The following KCNJ4 variants were observed in gnomAD, a reference collection of about 807,000 sequenced individuals.
KCNJ4 encodes the protein inward rectifier potassium channel 4.
A neutral mutation model predicts 25.6 loss-of-function variants in KCNJ4; 3 were observed. That is an observed-to-expected ratio of 0.12 (90% CI 0.05 to 0.30). KCNJ4 has a LOEUF of 0.30. Ranked by LOEUF, KCNJ4 falls within the 10% of genes least tolerant of loss-of-function variation. The pLI is 1.00. For missense variants in KCNJ4, 286 were observed against 666.8 expected, an observed-to-expected ratio of 0.43 and a Z score of 6.29; for synonymous variants, 257 against 283.9, an observed-to-expected ratio of 0.91 and a Z score of 0.95.
chr22:38,440,097 CAAAA>C (rs1053336679), intron 1 of KCNJ4, among the ~76,000 whole-genome samples: 69 of 76,078 alleles, frequency 9.1e-4, no homozygotes, highest in African/African-American at 3.1e-3. Flanking sequence ...GACTTCGTCT[CAAAA>C]AAAAAAAAAA....
intron 1 of KCNJ4, among the ~76,000 whole-genome samples, chr22:38,431,991 C>G (rs2145934134): frequency 6.6e-6 from 1 of 151,716 alleles, no homozygotes; most frequent in South Asian, 2.1e-4. Context: ...CTAGGTGACT[C>G]ACGCCTGTAA....
In KCNJ4 at chr22:38,443,813, C is replaced by T. The variant is rs1343070777; in HGVS notation, c.-40+11167G>A. On this transcript the variant is annotated intron_variant, in intron 1 of 1. Transcript: ENST00000303592. This position sits in a 1 kb window ranked among gnomAD's most constrained non-coding sequence, Gnocchi z 4.1. The stretch of plus-strand genomic sequence containing the variant: ...CCTCCCACAGCCTCCACCCACCTCC[C>T]GCAGTCCATCTCCACATCACTCCCT... Among the ~76,000 whole-genome samples, 2 of 152,188 alleles carry T rather than the reference C, an allele frequency of 1.3e-5. No individual in the cohort carries two copies. Among genetic ancestry groups the T allele is most frequent in the Non-Finnish European group, 2.9e-5 (2 of 68,034 alleles).
chr22:38,450,629 C>A (rs1256256300), intron 1 of KCNJ4, among the ~76,000 whole-genome samples: 1 of 152,228 alleles, frequency 6.6e-6, no homozygotes, highest in African/African-American at 2.4e-5. Flanking sequence ...AAGGCCCCTC[C>A]TCACTCACTG....
intron 1 of KCNJ4, among the ~76,000 whole-genome samples, chr22:38,452,122 G>A (rs196093): frequency 0.16 from 23,755 of 152,216 alleles, 3,175 homozygotes; most frequent in African/African-American, 0.37. Context: ...AGGTCACAGA[G>A]GGTGATTTGA....
intron 1 of KCNJ4, among the ~76,000 whole-genome samples, chr22:38,431,172 G>A (rs1280828303): frequency 6.6e-6 from 1 of 152,230 alleles, no homozygotes; most frequent in Non-Finnish European, 1.5e-5. Flanking sequence ...GGGTTCCAGG[G>A]GATCCCTGGT....
chr22:38,426,770 C>A lies in KCNJ4; in HGVS notation c.*25G>T. 6.3e-7 allele frequency: 1 copy of A among 1,583,028 alleles called. No individual in the cohort carries two copies. The highest frequency in any genetic ancestry group is 8.6e-7 in the Non-Finnish European group (1 of 1,161,918). ...CACCCCCGGCAGAGGCTCTTGTGGGCAGTGGTGAGGGCCGGGCCTGGAGGT... is the reference window on the plus strand; with the variant it reads ...CACCCCCGGCAGAGGCTCTTGTGGGAAGTGGTGAGGGCCGGGCCTGGAGGT... On this transcript the variant is annotated 3_prime_UTR_variant, in exon 2 of 2. Transcript: ENST00000303592.
intron 1 of KCNJ4, among the ~76,000 whole-genome samples, chr22:38,429,554 G>A (rs1212313986): frequency 6.6e-6 from 1 of 152,170 alleles, no homozygotes; most frequent in African/African-American, 2.4e-5. Context: ...GCAGGTGCTG[G>A]GGTAAAGCCA....
chr22:38,432,290 A>AAAT (rs1206920762), intron 1 of KCNJ4, among the ~76,000 whole-genome samples: 47 of 146,676 alleles, frequency 3.2e-4, no homozygotes, highest in African/African-American at 1.2e-3. Context: ...TAAATAAAAT[A>AAAT]AAATAAAATA....
intron 1 of KCNJ4, among the ~76,000 whole-genome samples, chr22:38,441,111 G>A (rs953144071): frequency 5.3e-5 from 8 of 152,030 alleles, no homozygotes; most frequent in South Asian, 2.1e-4. Context: ...GAGGAGGACC[G>A]GCCAGAGAGC....
chr22:38,444,936 C>G (rs1184506736), intron 1 of KCNJ4, among the ~76,000 whole-genome samples: 1 of 152,216 alleles, frequency 6.6e-6, no homozygotes, highest in East Asian at 1.9e-4. Flanking sequence ...AGCGCAGTGC[C>G]TTGCCTTGGA....
intron 1 of KCNJ4, among the ~76,000 whole-genome samples, chr22:38,431,852 T>C (rs980549591): frequency 1.3e-5 from 2 of 152,136 alleles, no homozygotes; most frequent in Non-Finnish European, 2.9e-5. Context: ...CCAGATTTTC[T>C]CTTCCTTGTC....
At position 38,449,204 on chromosome 22, in the gene KCNJ4, A is replaced by C. The variant is rs1228466041; in HGVS notation, c.-40+5776T>G. On this transcript the variant is annotated intron_variant, in intron 1 of 1. Transcript: ENST00000303592. The surrounding 1 kb of genome is among the most constrained non-coding windows in gnomAD (Gnocchi z 5.2). ...GGAAAGGGGAGGCCTAGGCTGGCAG[A>C]CATGTACCCACCTCCCTTCAGGTGG... is the stretch of plus-strand genomic sequence containing the variant. 6.6e-6 allele frequency among the ~76,000 whole-genome samples: 1 copy of C among 152,158 alleles called. No individual in the cohort carries two copies. The highest frequency in any genetic ancestry group is 1.5e-5 in the Non-Finnish European group (1 of 68,008).
At chr22:38,429,693 C>T (rs1330980570) in intron 1 of KCNJ4, among the ~76,000 whole-genome samples, 2 of 152,166 alleles carry the variant, frequency 1.3e-5, no homozygotes, top group Non-Finnish European at 2.9e-5. Context: ...GCGCCTCGGG[C>T]CCGTAGAGGA....
chr22:38,440,712 C>A (rs1569122269), intron 1 of KCNJ4, among the ~76,000 whole-genome samples: 1 of 152,150 alleles, frequency 6.6e-6, no homozygotes, highest in Non-Finnish European at 1.5e-5. Flanking sequence ...TAGCTTGGAG[C>A]TACCAGGATG....
rs200157044 is a variant in KCNJ4 at position 38,427,431 on chromosome 22, G to A, written c.702C>T (p.Tyr234=). ...TGAGGTCCCGCTGGTCCAGGGGCAG[G>A]TACTCGCCCTCCTGGGTCATGTAGG... ...IKPYMTQEGE[Y]LPLDQRDLNV... The change falls in exon 2 of 2, where the codon TAC becomes TAT. Residue 234 remains tyrosine, a synonymous_variant. Transcript: ENST00000303592. 5 of 1,613,732 alleles carry A rather than the reference G, an allele frequency of 3.1e-6. No individual in the cohort carries two copies. The Admixed American group carries it at 5.0e-5, about 16-fold the overall frequency.
intron 1 of KCNJ4, among the ~76,000 whole-genome samples, chr22:38,447,954 C>T (rs2089385851): frequency 1.3e-5 from 2 of 151,276 alleles, no homozygotes; most frequent in Non-Finnish European, 2.9e-5. Flanking sequence ...GTCCCAGCTA[C>T]TCGGGAGGCT....
At position 38,428,374 on chromosome 22, in the gene KCNJ4, T is replaced by C. The variant is rs150008395; in HGVS notation, c.-39-203A>G. 1.1e-4 allele frequency among the ~76,000 whole-genome samples: 16 copies of C among 152,302 alleles called. No homozygotes were observed. In the East Asian group the frequency reaches 3.1e-3, roughly 29 times the overall value. On this transcript the variant is annotated intron_variant, in intron 1 of 1. Transcript: ENST00000303592. ...CAGTGCCACCCAGTCCGGCCCAGCTTAGAGACTGGGGTCCATAGACCAGGA... is the reference window on the plus strand; with the variant it reads ...CAGTGCCACCCAGTCCGGCCCAGCTCAGAGACTGGGGTCCATAGACCAGGA...
At chr22:38,450,096 G>C (rs552142070) in intron 1 of KCNJ4, among the ~76,000 whole-genome samples, 4 of 152,342 alleles carry the variant, frequency 2.6e-5, no homozygotes, top group African/African-American at 7.2e-5. Context: ...TTTGAGCAGC[G>C]ATCAGCCCAC....
At position 38,443,030 on chromosome 22, in the gene KCNJ4, G is replaced by A. The variant is rs563719913; in HGVS notation, c.-40+11950C>T. Among the ~76,000 whole-genome samples the A allele has an allele frequency of 3.2e-4, 48 of 152,194 alleles. No homozygotes were observed. The highest frequency in any genetic ancestry group is 1.9e-3 in the South Asian group (9 of 4,818). Reference sequence around the variant, plus strand: ...AGTGTTGGCATGAGCCACCGTGCCCGGCCTGCAGCCCTTCTTGAAGGGCAT... The same window carrying A: ...AGTGTTGGCATGAGCCACCGTGCCCAGCCTGCAGCCCTTCTTGAAGGGCAT... On this transcript the variant is annotated intron_variant, in intron 1 of 1. Transcript: ENST00000303592. This position sits in a 1 kb window ranked among gnomAD's most constrained non-coding sequence, Gnocchi z 4.1.
Sources: gnomAD v4.1 joint callset for allele counts (sites outside exome capture counted in the v4.1 genomes callset) on GRCh38, gnomAD v4.1.1 for gene constraint, Gnocchi (gnomAD v3.1) non-coding constraint, MANE v1.5 for transcripts, NCBI Gene and HGNC (gene_info 2026-07-23, HGNC 2026-07-21) for gene names.